AGAP1: variants seen among roughly 807,000 people sequenced by gnomAD.
AGAP1 encodes the protein arf-GAP with GTPase, ANK repeat and PH domain-containing protein 1.
In AGAP1, 29 loss-of-function variants were observed where a neutral mutation model predicts 105.3. The ratio of observed to expected loss-of-function variants is 0.28; its 90% confidence interval spans 0.21 to 0.38. AGAP1 has a LOEUF of 0.38. Ranked by LOEUF, AGAP1 falls within the 10% of genes least tolerant of loss-of-function variation. The pLI is 1.00. For missense variants in AGAP1, 998 were observed against 1,165.1 expected (o/e 0.86, Z 2.09); for synonymous variants, 509 against 485.9 (o/e 1.05, Z -0.63).
chr2:235,794,944 C>T (rs2150029071), intron 6 of AGAP1, among the ~76,000 whole-genome samples: 1 of 152,216 alleles, frequency 6.6e-6, no homozygotes, highest in East Asian at 1.9e-4. Flanking sequence ...TAGACAAAAA[C>T]TCAATGGTTA....
In AGAP1 at chr2:235,964,417, G is replaced by T. The variant is rs917458959; in HGVS notation, c.1484-4045G>T. 6.6e-6 allele frequency among the ~76,000 whole-genome samples: 1 copy of T among 152,064 alleles called. No homozygotes were observed. The highest frequency in any genetic ancestry group is 1.5e-5 in the Non-Finnish European group (1 of 68,020). On this transcript the variant is annotated intron_variant, in intron 12 of 17. Transcript: ENST00000304032. This position sits in a 1 kb window ranked among gnomAD's most constrained non-coding sequence, Gnocchi z 4.6. ...AGTGACCATTGTTTCCCATGGCCTG[G>T]CACCATACCTGGCAAAGTGGGCTCC...
chr2:235,817,077 A>G (rs768670977), intron 9 of AGAP1, among the ~76,000 whole-genome samples: 1 of 152,184 alleles, frequency 6.6e-6, no homozygotes, highest in Non-Finnish European at 1.5e-5. Flanking sequence ...AGAGGCTTTG[A>G]CAACCAAACA....
intron 11 of AGAP1, among the ~76,000 whole-genome samples, chr2:235,922,911 G>A (rs1413725174): frequency 6.6e-6 from 1 of 152,202 alleles, no homozygotes; most frequent in Non-Finnish European, 1.5e-5. Context: ...TATAAGTACA[G>A]CTAAAATTAT....
chr2:235,611,464 G>C lies in AGAP1; in HGVS notation c.164-97715G>C, dbSNP rs1377467032. On this transcript the variant is annotated intron_variant, in intron 1 of 17. Coordinates refer to ENST00000304032, the MANE Select transcript of AGAP1 (RefSeq NM_001037131.3). The surrounding 1 kb of genome is among the most constrained non-coding windows in gnomAD (Gnocchi z 5.0). ...TTTTTGGAGGAGTGGTTTGTCTGCA[G>C]TTGCACACATCTGTGATAACATGGG... 6.6e-6 allele frequency among the ~76,000 whole-genome samples: 1 copy of C among 152,226 alleles called. No individual in the cohort carries two copies. The highest frequency in any genetic ancestry group is 1.5e-5 in the Non-Finnish European group (1 of 68,044).
At chr2:235,636,161 A>G (rs924008805) in intron 1 of AGAP1, among the ~76,000 whole-genome samples, 1 of 147,130 alleles carries the variant, frequency 6.8e-6, no homozygotes, top group African/African-American at 2.5e-5. Context: ...ATAAAGTCTC[A>G]TCTTATGGAG....
rs2051225984 is a variant in AGAP1, at chr2:235,904,847, C to T, written c.1156-3891C>T. On this transcript the variant is annotated intron_variant, in intron 10 of 17. Transcript: ENST00000304032. This position sits in a 1 kb window ranked among gnomAD's most constrained non-coding sequence, Gnocchi z 4.2. Reference sequence around the variant, plus strand: ...CCACAGATACATGTGTCTTTATCTCCCACCTGTGTGTGAAGCGCTGAGTCG... The same window carrying T: ...CCACAGATACATGTGTCTTTATCTCTCACCTGTGTGTGAAGCGCTGAGTCG... 6.6e-6 allele frequency among the ~76,000 whole-genome samples: 1 copy of T among 152,182 alleles called. No individual in the cohort carries two copies. Among genetic ancestry groups the T allele is most frequent in the Non-Finnish European group, 1.5e-5 (1 of 68,040 alleles).
intron 1 of AGAP1, among the ~76,000 whole-genome samples, chr2:235,592,729 GTCCCAAA>G (rs1945391529): frequency 1.3e-5 from 2 of 152,300 alleles, no homozygotes; most frequent in East Asian, 3.9e-4. Flanking sequence ...TATGGTGTCA[GTCCCAAA>G]GCCTGTATCT....
intron 16 of AGAP1, among the ~76,000 whole-genome samples, chr2:236,094,408 A>C (rs549675861): frequency 1.3e-5 from 2 of 149,414 alleles, no homozygotes; most frequent in Admixed American, 6.7e-5. Flanking sequence ...GCTGGAGTGC[A>C]TGGCTCAATC....
chr2:235,858,517 G>T (rs955324613), intron 9 of AGAP1, among the ~76,000 whole-genome samples: 2 of 152,110 alleles, frequency 1.3e-5, no homozygotes, highest in African/African-American at 4.8e-5. Flanking sequence ...CAGTAGGTTA[G>T]GGGGAAAATG....
At chr2:235,840,312 G>C (rs890478328) in intron 9 of AGAP1, among the ~76,000 whole-genome samples, 2 of 152,228 alleles carry the variant, frequency 1.3e-5, no homozygotes, top group African/African-American at 4.8e-5. Context: ...AGTGGACATT[G>C]CAGTGACCAT....
chr2:235,812,702 T>C (rs924501529), intron 9 of AGAP1, among the ~76,000 whole-genome samples: 17 of 152,196 alleles, frequency 1.1e-4, no homozygotes, highest in African/African-American at 3.4e-4. Context: ...GCAGTGCCCT[T>C]CCTTCAGGGG....
chr2:235,849,997 A>C (rs1224594541), intron 9 of AGAP1, among the ~76,000 whole-genome samples: 3 of 152,190 alleles, frequency 2.0e-5, no homozygotes, highest in Non-Finnish European at 4.4e-5. Flanking sequence ...CATGGAGGAC[A>C]GGGCAGAGGA....
intron 1 of AGAP1, among the ~76,000 whole-genome samples, chr2:235,540,130 TCTCC>T (rs1943385763): frequency 6.7e-6 from 1 of 149,644 alleles, no homozygotes; most frequent in East Asian, 2.0e-4. Flanking sequence ...TGTTTTTTTC[TCTCC>T]CTCCCTCTCT....
intron 10 of AGAP1, among the ~76,000 whole-genome samples, chr2:235,890,390 G>A (rs934893666): frequency 1.3e-5 from 2 of 152,098 alleles, no homozygotes; most frequent in African/African-American, 4.8e-5. Context: ...GACCTCAAGT[G>A]ATCCACCCGC....
At chr2:235,541,116 G>A (rs769022712) in intron 1 of AGAP1, among the ~76,000 whole-genome samples, 29 of 152,112 alleles carry the variant, frequency 1.9e-4, no homozygotes, top group Non-Finnish European at 3.1e-4. Context: ...ACAGTTAAAC[G>A]CAGTAGCTCT....
At chr2:236,063,315 T>C (rs931937670) in intron 16 of AGAP1, among the ~76,000 whole-genome samples, 1 of 152,052 alleles carries the variant, frequency 6.6e-6, no homozygotes, top group African/African-American at 2.4e-5. Context: ...GTCTTGAACT[T>C]CTGACCCCCA....
At position 235,700,281 on chromosome 2, in the gene AGAP1, C is replaced by T. The variant is rs1275157327; in HGVS notation, c.164-8898C>T. On this transcript the variant is annotated intron_variant, in intron 1 of 17. Coordinates refer to ENST00000304032, the MANE Select transcript of AGAP1 (RefSeq NM_001037131.3). The surrounding 1 kb of genome is among the most constrained non-coding windows in gnomAD (Gnocchi z 6.1). The stretch of plus-strand genomic sequence containing the variant: ...CAGTGCAGGAGAGCTGTGCTCCACT[C>T]CTCAAGGCTGTAGGTGGGCCTCTGT... 6.6e-6 allele frequency among the ~76,000 whole-genome samples: 1 copy of T among 152,208 alleles called. No individual in the cohort carries two copies. The highest frequency in any genetic ancestry group is 6.5e-5 in the Admixed American group (1 of 15,286).
rs1344764460 is a variant in AGAP1 at position 235,740,202 on chromosome 2, A to G, written c.311-761A>G. 1.3e-5 allele frequency among the ~76,000 whole-genome samples: 2 copies of G among 151,962 alleles called. No homozygotes were observed. The highest frequency in any genetic ancestry group is 4.8e-5 in the African/African-American group (2 of 41,362). ...GCGGGCCGGGCTGGGCACTGCAGCA[A>G]CCTTGTACCATCCCCTCCTGAGAGC... On this transcript the variant is annotated intron_variant, in intron 3 of 17. Transcript: ENST00000304032. The surrounding 1 kb of genome is among the most constrained non-coding windows in gnomAD (Gnocchi z 5.7).
chr2:236,088,719 A>G (rs1405185112), intron 16 of AGAP1, among the ~76,000 whole-genome samples: 2 of 152,164 alleles, frequency 1.3e-5, no homozygotes, highest in Non-Finnish European at 2.9e-5. Context: ...AAAACCATAG[A>G]TTCTCTTTTG....
Sources: allele counts gnomAD v4.1 joint callset (sites outside exome capture counted in the v4.1 genomes callset), GRCh38; gene constraint gnomAD v4.1.1; non-coding constraint Gnocchi (gnomAD v3.1); transcripts MANE v1.5; gene names NCBI Gene and HGNC (gene_info 2026-07-23, HGNC 2026-07-21).